The following HYAL4 variants were observed in gnomAD, a reference collection of about 807,000 sequenced individuals.
HYAL4 encodes the protein hyaluronidase-4.
Under a neutral mutation model 35.2 loss-of-function variants are expected in HYAL4, and 37 were observed. The observed-to-expected ratio is 1.05, with a 90% CI of 0.81 to 1.38. The LOEUF (loss-of-function observed/expected upper bound fraction) is 1.38. Among genes scored for constraint, HYAL4 ranks in the 40% most tolerant of loss-of-function variants. HYAL4 has a pLI of 0.00. For missense variants in HYAL4, 572 were observed against 572.4 expected (o/e 1.00, Z 0.01); for synonymous variants, 198 against 203.2 (o/e 0.97, Z 0.22).
Position 123,868,740 on chromosome 7 carries a change from A to C in HYAL4, c.467A>C (p.Asn156Thr). 6.2e-7 allele frequency: 1 copy of C among 1,614,102 alleles called. No individual in the cohort carries two copies. Among genetic ancestry groups the C allele is most frequent in the Non-Finnish European group, 8.5e-7 (1 of 1,180,002 alleles). The stretch of plus-strand genomic sequence containing the variant: ...TATTGGCGACCACAGTGGGCCCGGA[A>C]CTGGAACTCAAAAGATGTTTACAGA... The part of the protein sequence containing the change: ...WEYWRPQWAR[N>T]WNSKDVYRQK... Residue 156 changes from asparagine (N) to threonine (T), a missense_variant, in exon 3 of 5, where the codon AAC becomes ACC. By Grantham distance (65) the Asn-to-Thr change is moderately conservative. Coordinates refer to ENST00000223026, the MANE Select transcript of HYAL4 (RefSeq NM_012269.3).
At chr7:123,823,717 C>A in the HYAL4 span, among the ~76,000 whole-genome samples, 4 of 120,964 alleles carry the variant, frequency 3.3e-5, no homozygotes, top group Middle Eastern at 4.0e-3. Context: ...TATATATATA[C>A]ACATATATAT....
At chr7:123,840,205 G>A (rs1806030875), upstream of HYAL4, among the ~76,000 whole-genome samples, 1 of 152,224 alleles carries the variant, frequency 6.6e-6, no homozygotes, top group African/African-American at 2.4e-5. Flanking sequence ...TTCTACATAT[G>A]GCTAGCCAGT....
chr7:123,808,418 CGTGTGTGT>C, the HYAL4 span, among the ~76,000 whole-genome samples: 17,038 of 142,614 alleles, frequency 0.12, 1,415 homozygotes, highest in African/African-American at 0.22. Context: ...TGTATCATCA[CGTGTGTGT>C]GTGTGTGTGT....
the HYAL4 span, among the ~76,000 whole-genome samples, chr7:123,784,904 T>C: frequency 1.6e-4 from 24 of 152,112 alleles, no homozygotes; most frequent in African/African-American, 5.6e-4. Context: ...CTGTGTGACC[T>C]CTAGAACTAG....
upstream of HYAL4, among the ~76,000 whole-genome samples, chr7:123,826,860 C>G (rs891312982): frequency 6.6e-6 from 1 of 152,030 alleles, no homozygotes; most frequent in African/African-American, 2.4e-5. Flanking sequence ...CTGAAAAGGA[C>G]TTGCTGATGG....
intron 1 of HYAL4, among the ~76,000 whole-genome samples, chr7:123,833,284 A>G (rs554502674): frequency 3.9e-4 from 59 of 152,160 alleles, no homozygotes; most frequent in Non-Finnish European, 6.5e-4. Flanking sequence ...TTGCAGGAGT[A>G]AGGTGGTATC....
At chr7:123,778,436 T>G in the HYAL4 span, among the ~76,000 whole-genome samples, 1 of 152,212 alleles carries the variant, frequency 6.6e-6, no homozygotes, top group Non-Finnish European at 1.5e-5. Flanking sequence ...TTAATTGCCA[T>G]GTCTTTTTTA....
At chr7:123,801,622 CTTAT>C in the HYAL4 span, among the ~76,000 whole-genome samples, 2 of 152,084 alleles carry the variant, frequency 1.3e-5, no homozygotes, top group East Asian at 1.9e-4. Context: ...GTAAATGTAT[CTTAT>C]TTATTTGATT....
the HYAL4 span, among the ~76,000 whole-genome samples, chr7:123,777,661 C>T: frequency 6.6e-6 from 1 of 152,036 alleles, no homozygotes; most frequent in African/African-American, 2.4e-5. Context: ...TCGCTATATA[C>T]TTGTTGATTT....
the HYAL4 span, among the ~76,000 whole-genome samples, chr7:123,764,990 CATATT>C: frequency 6.6e-6 from 1 of 152,062 alleles, no homozygotes; most frequent in Non-Finnish European, 1.5e-5. Flanking sequence ...CCAGCAATAA[CATATT>C]ATAATTAAAT....
chr7:123,828,803 C>T (rs191218768), upstream of HYAL4, among the ~76,000 whole-genome samples: 311 of 152,292 alleles, frequency 2.0e-3, no homozygotes, highest in Admixed American at 5.7e-3. Context: ...TCACATGACC[C>T]TATAAAGGCT....
upstream of HYAL4, among the ~76,000 whole-genome samples, chr7:123,842,076 T>C (rs1806081884): frequency 6.6e-6 from 1 of 152,044 alleles, no homozygotes; most frequent in South Asian, 2.1e-4. Flanking sequence ...CTAGTTCTTT[T>C]AATTGTGATG....
At chr7:123,843,002 A>C (rs1019213433), upstream of HYAL4, among the ~76,000 whole-genome samples, 8 of 151,912 alleles carry the variant, frequency 5.3e-5, no homozygotes, top group Non-Finnish European at 8.8e-5. Flanking sequence ...ATTTACATTT[A>C]AGGTTAATAT....
chr7:123,837,049 A>G (rs965855360), intron 1 of HYAL4, among the ~76,000 whole-genome samples: 5 of 152,014 alleles, frequency 3.3e-5, no homozygotes, highest in African/African-American at 1.2e-4. Context: ...AAAAAAAAAG[A>G]AAGAAAAAAA....
At chr7:123,768,836 TG>T in the HYAL4 span, among the ~76,000 whole-genome samples, 1 of 152,184 alleles carries the variant, frequency 6.6e-6, no homozygotes, top group Non-Finnish European at 1.5e-5. Context: ...GATTGTCCAT[TG>T]GTTACTTTTT....
At chr7:123,786,599 TTAAAG>T in the HYAL4 span, among the ~76,000 whole-genome samples, 2 of 151,976 alleles carry the variant, frequency 1.3e-5, no homozygotes, top group African/African-American at 2.4e-5. Flanking sequence ...TGGGGAAACA[TTAAAG>T]TAATCAAACA....
At chr7:123,849,316 T>C (rs1234845267) in intron 2 of HYAL4, among the ~76,000 whole-genome samples, 1 of 152,042 alleles carries the variant, frequency 6.6e-6, no homozygotes, top group Non-Finnish European at 1.5e-5. Flanking sequence ...TTTCTCTCTC[T>C]CTTTGAGACA....
the HYAL4 span, among the ~76,000 whole-genome samples, chr7:123,775,059 A>G: frequency 6.6e-6 from 1 of 152,194 alleles, no homozygotes; most frequent in Non-Finnish European, 1.5e-5. Context: ...TGCTTGTTGC[A>G]TTGTAGGTGC....
chr7:123,849,717 C>T (rs767319864), intron 2 of HYAL4, among the ~76,000 whole-genome samples: 3 of 151,988 alleles, frequency 2.0e-5, no homozygotes, highest in Non-Finnish European at 4.4e-5. Context: ...ATACTTGGTT[C>T]TCTGCAGGGT....
Sources: gnomAD v4.1 joint callset for allele counts (sites outside exome capture counted in the v4.1 genomes callset) on GRCh38, gnomAD v4.1.1 for gene constraint, MANE v1.5 for transcripts, NCBI Gene and HGNC (gene_info 2026-07-23, HGNC 2026-07-21) for gene names.